The following CACNA1A variants were observed in gnomAD, a reference collection of about 807,000 sequenced individuals.
CACNA1A encodes voltage-dependent P/Q-type calcium channel subunit alpha-1A.
CACNA1A carries 57 observed loss-of-function variants against 262.4 expected under a neutral mutation model. The ratio of observed to expected loss-of-function variants is 0.22; its 90% CI spans 0.18 to 0.27. The LOEUF (loss-of-function observed/expected upper bound fraction) is 0.27. Ranked by LOEUF, CACNA1A falls within the 10% of genes least tolerant of loss-of-function variation. CACNA1A has a pLI of 1.00. For missense variants in CACNA1A, 2,526 were observed against 3,562.8 expected (o/e 0.71, Z 7.41); for synonymous variants, 1,431 against 1,419.3 (o/e 1.01, Z -0.18).
At position 13,376,727 on chromosome 19, in the gene CACNA1A, TTATATATGA is replaced by T. The variant is rs892815893; in HGVS notation, c.540-4957_540-4949del. On this transcript the variant is annotated intron_variant, in intron 3 of 46. Transcript: ENST00000360228. ...TATGATACACTACACATAATATATG[TTATATATGA>T]TATATATAACACAATATGTTATATG... Among the ~76,000 whole-genome samples, 5 of 147,860 alleles carry T rather than the reference TTATATATGA, an allele frequency of 3.4e-5. No homozygotes were observed. In the South Asian group the frequency reaches 8.4e-4, roughly 25 times the overall value.
chr19:13,301,562 G>A (rs1380951007), intron 17 of CACNA1A, among the ~76,000 whole-genome samples: 2 of 152,232 alleles, frequency 1.3e-5, no homozygotes, highest in African/African-American at 4.8e-5. Context: ...CAGAGAGGAG[G>A]AGAATGGGGG....
intron 3 of CACNA1A, among the ~76,000 whole-genome samples, chr19:13,394,366 AAAAAC>A (rs1281572459): frequency 6.7e-6 from 1 of 149,728 alleles, no homozygotes; most frequent in Non-Finnish European, 1.5e-5. Flanking sequence ...TAAAAAGGAA[AAAAAC>A]AAAACAAAAC....
At chr19:13,408,687 C>T (rs1438297230) in intron 3 of CACNA1A, among the ~76,000 whole-genome samples, 1 of 152,154 alleles carries the variant, frequency 6.6e-6, no homozygotes, top group Non-Finnish European at 1.5e-5. Context: ...CTGTTCTTGC[C>T]CCAAAGAATG....
At chr19:13,223,560 C>T (rs1162610754) in intron 38 of CACNA1A, among the ~76,000 whole-genome samples, 2 of 152,156 alleles carry the variant, frequency 1.3e-5, no homozygotes, top group African/African-American at 4.8e-5. Flanking sequence ...GGCCTCCTTT[C>T]GGTCTCCCAT....
At chr19:13,232,885 C>T (rs2055721954) in intron 34 of CACNA1A, among the ~76,000 whole-genome samples, 1 of 151,212 alleles carries the variant, frequency 6.6e-6, no homozygotes, top group Non-Finnish European at 1.5e-5. Context: ...CCCGTCTCTA[C>T]TAAAAATACA....
intron 1 of CACNA1A, among the ~76,000 whole-genome samples, chr19:13,462,988 T>C (rs2061151793): frequency 6.6e-6 from 1 of 152,028 alleles, no homozygotes; most frequent in South Asian, 2.1e-4. Context: ...CTTGAACTCC[T>C]GGGCTCAAGC....
At chr19:13,460,712 C>T (rs930453754) in intron 1 of CACNA1A, among the ~76,000 whole-genome samples, 17 of 152,188 alleles carry the variant, frequency 1.1e-4, no homozygotes, top group Admixed American at 3.9e-4. Flanking sequence ...TCCCCAAACT[C>T]CCCAGGCACA....
chr19:13,389,816 T>C (rs2059681718), intron 3 of CACNA1A, among the ~76,000 whole-genome samples: 1 of 151,952 alleles, frequency 6.6e-6, no homozygotes, highest in Non-Finnish European at 1.5e-5. Flanking sequence ...TATTATTTAT[T>C]TATTTATTTA....
chr19:13,480,369 A>G (rs1268487803), intron 1 of CACNA1A, among the ~76,000 whole-genome samples: 1 of 152,240 alleles, frequency 6.6e-6, no homozygotes, highest in Non-Finnish European at 1.5e-5. Flanking sequence ...TCTCTTCCTT[A>G]TGATTTTCTT....
At chr19:13,491,922 C>A (rs926079389) in intron 1 of CACNA1A, among the ~76,000 whole-genome samples, 4 of 152,108 alleles carry the variant, frequency 2.6e-5, no homozygotes, top group African/African-American at 4.8e-5. Flanking sequence ...GAGGCCGATA[C>A]CTATAACACT....
At chr19:13,455,534 G>C (rs921652510) in intron 1 of CACNA1A, among the ~76,000 whole-genome samples, 4 of 152,144 alleles carry the variant, frequency 2.6e-5, no homozygotes, top group African/African-American at 4.8e-5. Context: ...CAGACAAGAG[G>C]AGAAGCTTCC....
At chr19:13,460,488 G>A (rs1225210025) in intron 1 of CACNA1A, among the ~76,000 whole-genome samples, 1 of 152,174 alleles carries the variant, frequency 6.6e-6, no homozygotes, top group African/African-American at 2.4e-5. Context: ...TAAAAGCAAT[G>A]TTGGAATGCG....
intron 34 of CACNA1A, 52 bp from the exon 35 acceptor site, chr19:13,231,912 C>G (rs1227575693): frequency 1.9e-6 from 3 of 1,568,254 alleles, no homozygotes; most frequent in Non-Finnish European, 2.6e-6. Flanking sequence ...GACTGGGTAC[C>G]AACGCCTCCC....
intron 3 of CACNA1A, among the ~76,000 whole-genome samples, chr19:13,404,197 C>T (rs1489908597): frequency 6.6e-6 from 1 of 152,096 alleles, no homozygotes; most frequent in Admixed American, 6.6e-5. Flanking sequence ...TATACACACA[C>T]ACACACACAG....
intron 9 of CACNA1A, among the ~76,000 whole-genome samples, chr19:13,331,007 C>T (rs1225905375): frequency 6.6e-6 from 1 of 152,174 alleles, no homozygotes; most frequent in Non-Finnish European, 1.5e-5. Flanking sequence ...TCAAGCTATA[C>T]ACCCCAGGGG....
rs976826189 is a variant in CACNA1A at position 13,241,183 on chromosome 19, C to T, written c.4950+3999G>A. On this transcript the variant is annotated intron_variant, in intron 31 of 46. Transcript: ENST00000360228. The surrounding 1 kb of genome is among the most constrained non-coding windows in gnomAD (Gnocchi z 4.0). ...GAGGTGGCTGGGAGTGGATTTGCCT[C>T]TATTGTCTCTGAGTGTAGGGGATGT... is the stretch of plus-strand genomic sequence containing the variant. Among the ~76,000 whole-genome samples, 1 of 152,096 alleles carries T rather than the reference C, an allele frequency of 6.6e-6. No homozygotes were observed.
In CACNA1A at chr19:13,234,619, G is replaced by A. The variant is rs138402555; in HGVS notation, c.5249+302C>T. Among the ~76,000 whole-genome samples, 412 of 152,040 alleles carry A rather than the reference G, an allele frequency of 2.7e-3. 1 individual carries two copies. The highest frequency in any genetic ancestry group is 9.2e-3 in the African/African-American group (381 of 41,446). On this transcript the variant is annotated intron_variant, in intron 34 of 46. Transcript: ENST00000360228. ...CTGCTAGGATTCCTGGGCCCCCCAC[G>A]ACACCCATTTCCAGCCTCACGGGAA...
intron 17 of CACNA1A, among the ~76,000 whole-genome samples, chr19:13,301,752 G>A (rs1187292130): frequency 6.6e-6 from 1 of 152,202 alleles, no homozygotes; most frequent in Non-Finnish European, 1.5e-5. Context: ...GCCATTGCAG[G>A]CAGCTCTCCC....
At chr19:13,275,677 A>G (rs1294567539) in intron 24 of CACNA1A, 173 bp downstream of exon 24, 5 of 636,048 alleles carry the variant, frequency 7.9e-6, no homozygotes, top group Non-Finnish European at 1.4e-5. Flanking sequence ...CTCCATGGAC[A>G]TCATGCAAAA....
Sources: gnomAD v4.1 joint callset for allele counts (sites outside exome capture counted in the v4.1 genomes callset) on GRCh38, gnomAD v4.1.1 for gene constraint, Gnocchi (gnomAD v3.1) non-coding constraint, MANE v1.5 for transcripts, NCBI Gene and HGNC (gene_info 2026-07-23, HGNC 2026-07-21) for gene names.